CDH13: variants seen among roughly 807,000 people sequenced by gnomAD.
CDH13 encodes the protein cadherin-13.
Under a neutral mutation model 63.8 loss-of-function variants are expected in CDH13, and 24 were observed. That is an observed-to-expected ratio of 0.38 (90% CI 0.27 to 0.53). The LOEUF (loss-of-function observed/expected upper bound fraction) is 0.53. Ranked by LOEUF, CDH13 falls within the 20% of genes least tolerant of loss-of-function variation. The pLI is 0.85. For synonymous variants in CDH13, 503 were observed against 355.3 expected, an observed-to-expected ratio of 1.42 and a Z score of -4.67; for missense variants, 1,049 against 903.1, an observed-to-expected ratio of 1.16 and a Z score of -2.07.
chr16:82,798,997 T>C (rs1429928093), intron 1 of CDH13, among the ~76,000 whole-genome samples: 1 of 152,174 alleles, frequency 6.6e-6, no homozygotes, highest in East Asian at 1.9e-4. Context: ...GATTCCAACC[T>C]GGGCAGTCTA....
At chr16:82,737,803 G>A (rs1339233356) in intron 1 of CDH13, among the ~76,000 whole-genome samples, 1 of 152,096 alleles carries the variant, frequency 6.6e-6, no homozygotes, top group East Asian at 1.9e-4. Flanking sequence ...GCTTTACTGA[G>A]GTATAATTGA....
chr16:83,157,587 T>G (rs1176310093), intron 4 of CDH13, among the ~76,000 whole-genome samples: 1 of 152,078 alleles, frequency 6.6e-6, no homozygotes, highest in Non-Finnish European at 1.5e-5. Context: ...AATACCACAT[T>G]GCCTAAGCAG....
intron 8 of CDH13, among the ~76,000 whole-genome samples, chr16:83,615,569 G>T (rs906516048): frequency 2.0e-5 from 3 of 152,052 alleles, no homozygotes; most frequent in Admixed American, 2.0e-4. Context: ...TGTGGCTGAG[G>T]TTTTAAATCA....
chr16:83,238,955 A>C (rs974368250), intron 5 of CDH13, among the ~76,000 whole-genome samples: 1 of 152,014 alleles, frequency 6.6e-6, no homozygotes, highest in Non-Finnish European at 1.5e-5. Context: ...TTTTAATGAA[A>C]ATTTTGTCCT....
At chr16:83,687,695 T>C (rs935766033) in intron 10 of CDH13, among the ~76,000 whole-genome samples, 1 of 152,226 alleles carries the variant, frequency 6.6e-6, no homozygotes, top group Non-Finnish European at 1.5e-5. Flanking sequence ...TTTGGCCTTG[T>C]TTTAAACCAA....
chr16:83,413,446 C>T (rs2092156233), intron 6 of CDH13, among the ~76,000 whole-genome samples: 1 of 152,184 alleles, frequency 6.6e-6, no homozygotes, highest in African/African-American at 2.4e-5. Context: ...CATTCCTCAC[C>T]AGGCAACTAA....
At chr16:82,961,912 C>T (rs1393738932) in intron 2 of CDH13, among the ~76,000 whole-genome samples, 1 of 152,160 alleles carries the variant, frequency 6.6e-6, no homozygotes, top group Non-Finnish European at 1.5e-5. Context: ...CAACCTCCAC[C>T]ACAAAGAATT....
At chr16:83,263,780 C>T (rs1317659924) in intron 5 of CDH13, among the ~76,000 whole-genome samples, 1 of 152,236 alleles carries the variant, frequency 6.6e-6, no homozygotes, top group South Asian at 2.1e-4. Flanking sequence ...GGCCTCAATC[C>T]CAGCCACTTA....
chr16:83,392,256 G>T (rs1003386177), intron 6 of CDH13, among the ~76,000 whole-genome samples: 1 of 152,140 alleles, frequency 6.6e-6, no homozygotes, highest in African/African-American at 2.4e-5. Flanking sequence ...CTGTGATATG[G>T]GTGCATGGAG....
Position 82,835,869 on chromosome 16 carries a change from T to C in CDH13, c.46-22493T>C, listed in dbSNP as rs138699525. Among the ~76,000 whole-genome samples, 553 of 152,268 alleles carry C rather than the reference T, an allele frequency of 3.6e-3. 7 individuals carry two copies. Among genetic ancestry groups the C allele is most frequent in the African/African-American group, 0.012 (502 of 41,544 alleles). ...TCAGTCTATGACAATAAAATGAATGTATGTCTTGATCACACCAGGAAGTCT... is the reference window on the plus strand; with the variant it reads ...TCAGTCTATGACAATAAAATGAATGCATGTCTTGATCACACCAGGAAGTCT... On this transcript the variant is annotated intron_variant, in intron 1 of 13. Transcript: ENST00000567109.
At chr16:82,680,004 C>A (rs537693731) in intron 1 of CDH13, among the ~76,000 whole-genome samples, 79 of 152,248 alleles carry the variant, frequency 5.2e-4, no homozygotes, top group African/African-American at 1.8e-3. Context: ...CCATAACACA[C>A]GGGTCTTCTT....
rs575287805 is a variant in CDH13 at position 82,970,447 on chromosome 16, C to T, written c.158-61563C>T. 1.3e-3 allele frequency among the ~76,000 whole-genome samples: 128 copies of T among 100,146 alleles called. 6 individuals carry two copies. The highest frequency in any genetic ancestry group is 8.2e-3 in the Middle Eastern group (1 of 122). 65.7% of individuals were successfully genotyped at this position (100,146 alleles called of 152,430 possible). ...TCGCTCTGTCGCCCAGGCCGGACTG[C>T]GGACTGCAGTGGCGCAATCTCGGCT... On this transcript the variant is annotated intron_variant, in intron 2 of 13. Coordinates refer to ENST00000567109, the MANE Select transcript of CDH13 (RefSeq NM_001257.5).
chr16:83,475,648 C>G (rs1373553997), intron 6 of CDH13, among the ~76,000 whole-genome samples: 1 of 151,448 alleles, frequency 6.6e-6, no homozygotes, highest in Admixed American at 6.6e-5. Context: ...GTGGTGTGAT[C>G]TCGGCTCCCT....
At chr16:83,211,606 G>T (rs116328456) in intron 4 of CDH13, among the ~76,000 whole-genome samples, 2,800 of 152,256 alleles carry the variant, frequency 0.018, 77 homozygotes, top group African/African-American at 0.063. Flanking sequence ...TGGAACATTG[G>T]CTTTGTCCAT....
chr16:83,762,912 C>G (rs760002513), intron 11 of CDH13, among the ~76,000 whole-genome samples: 1 of 152,184 alleles, frequency 6.6e-6, no homozygotes, highest in Non-Finnish European at 1.5e-5. Flanking sequence ...CCCTCTCACA[C>G]TCTGCCAAGT....
chr16:83,050,466 C>T lies in CDH13; in HGVS notation c.366+18248C>T, dbSNP rs556473449. On this transcript the variant is annotated intron_variant, in intron 3 of 13. Coordinates refer to ENST00000567109, the MANE Select transcript of CDH13 (RefSeq NM_001257.5). Reference sequence around the variant, plus strand: ...TTTGCTGTTTAAGACACCATACTGTCCTTGTTCTCCCACTCTTTCTGTATA... The same window carrying T: ...TTTGCTGTTTAAGACACCATACTGTTCTTGTTCTCCCACTCTTTCTGTATA... 6.6e-5 allele frequency among the ~76,000 whole-genome samples: 10 copies of T among 152,264 alleles called. No individual in the cohort carries two copies. The South Asian group carries it at 1.2e-3, about 19-fold the overall frequency.
intron 6 of CDH13, among the ~76,000 whole-genome samples, chr16:83,446,686 T>C (rs1216266714): frequency 6.6e-6 from 1 of 152,148 alleles, no homozygotes; most frequent in Non-Finnish European, 1.5e-5. Context: ...AAGTCTTCCC[T>C]GTAATTAATT....
chr16:83,571,027 G>A (rs1047592741), intron 7 of CDH13, among the ~76,000 whole-genome samples: 1 of 147,242 alleles, frequency 6.8e-6, no homozygotes, highest in Non-Finnish European at 1.5e-5. Flanking sequence ...TTCAAAAGCA[G>A]AGGAGCTGCA....
chr16:83,447,393 C>A (rs2072738514), intron 6 of CDH13, among the ~76,000 whole-genome samples: 1 of 151,768 alleles, frequency 6.6e-6, no homozygotes, highest in Non-Finnish European at 1.5e-5. Flanking sequence ...CCAGCCTGGG[C>A]TACAAGAGCT....
Sources: gnomAD v4.1 joint callset for allele counts (sites outside exome capture counted in the v4.1 genomes callset) on GRCh38, gnomAD v4.1.1 for gene constraint, MANE v1.5 for transcripts, NCBI Gene and HGNC (gene_info 2026-07-23, HGNC 2026-07-21) for gene names.